Variants in MCC observed in about 807,000 individuals in gnomAD.
MCC encodes MCC regulator of Wnt signaling pathway.
MCC carries 90 observed loss-of-function variants against 116.2 expected under a neutral mutation model. The ratio of observed to expected loss-of-function variants is 0.77; its 90% confidence interval spans 0.65 to 0.92. MCC has a LOEUF of 0.92. MCC is among the 40% of genes least tolerant of loss of function. MCC has a pLI of 0.00. For synonymous variants in MCC, 578 were observed against 510.5 expected (o/e 1.13, Z -1.78); for missense variants, 1,516 against 1,312.2 (o/e 1.16, Z -2.40).
At chr5:113,295,197 G>GA (rs901812818) in intron 3 of MCC, among the ~76,000 whole-genome samples, 52 of 150,316 alleles carry the variant, frequency 3.5e-4, no homozygotes, top group African/African-American at 1.2e-3. Flanking sequence ...AAAAGAAAAA[G>GA]AAAAAAAACT....
intron 1 of MCC, among the ~76,000 whole-genome samples, chr5:113,423,854 G>A (rs988848051): frequency 1.3e-5 from 2 of 152,080 alleles, no homozygotes; most frequent in Non-Finnish European, 2.9e-5. Flanking sequence ...GTTACCACTC[G>A]TAGGATAAGG....
chr5:113,376,219 TGCTTTGA>T (rs1435690240), intron 2 of MCC, among the ~76,000 whole-genome samples: 5 of 152,240 alleles, frequency 3.3e-5, no homozygotes, highest in Non-Finnish European at 7.3e-5. Flanking sequence ...AACAGGTTCA[TGCTTTGA>T]AGACTGACAA....
intron 3 of MCC, among the ~76,000 whole-genome samples, chr5:113,293,343 CCTTTT>C (rs1397502243): frequency 9.9e-5 from 15 of 152,136 alleles, no homozygotes; most frequent in African/African-American, 3.6e-4. Flanking sequence ...ACACTGTTTT[CCTTTT>C]CTTCCTCTTT....
intron 1 of MCC, chr5:113,433,040 C>G (rs1407871095): frequency 6.6e-6 from 1 of 152,264 alleles, no homozygotes; most frequent in Admixed American, 6.5e-5. Context: ...CCATGCTACT[C>G]CTGAGGATCT....
intron 8 of MCC, among the ~76,000 whole-genome samples, chr5:113,090,303 G>C (rs2150247520): frequency 6.6e-6 from 1 of 151,920 alleles, no homozygotes; most frequent in South Asian, 2.1e-4. Flanking sequence ...TTCTCTGCTA[G>C]GCATGAGGGG....
chr5:113,048,092 T>C (rs1200126719), intron 16 of MCC, among the ~76,000 whole-genome samples: 1 of 152,194 alleles, frequency 6.6e-6, no homozygotes, highest in East Asian at 1.9e-4. Flanking sequence ...TTATCAGCAG[T>C]GAGACTCCTC....
At chr5:113,451,416 T>G (rs1005357578) in intron 1 of MCC, among the ~76,000 whole-genome samples, 3 of 152,252 alleles carry the variant, frequency 2.0e-5, no homozygotes, top group Non-Finnish European at 4.4e-5. Context: ...GAAAGCATGT[T>G]TTGTATCATC....
At chr5:113,238,300 T>A (rs1213458291) in intron 3 of MCC, among the ~76,000 whole-genome samples, 1 of 152,130 alleles carries the variant, frequency 6.6e-6, no homozygotes, top group Non-Finnish European at 1.5e-5. Context: ...AGCAATTATT[T>A]CACTAAAAAC....
At chr5:113,153,055 C>A (rs1759973718) in intron 3 of MCC, among the ~76,000 whole-genome samples, 1 of 152,074 alleles carries the variant, frequency 6.6e-6, no homozygotes, top group Non-Finnish European at 1.5e-5. Context: ...GGTTGGTTGC[C>A]CCCTCAGCCT....
chr5:113,111,773 C>G (rs952140369), intron 6 of MCC, among the ~76,000 whole-genome samples: 1 of 152,180 alleles, frequency 6.6e-6, no homozygotes, highest in Non-Finnish European at 1.5e-5. Context: ...ACTTACTATA[C>G]TTTGGAAATC....
rs3902149 is a variant in MCC at position 113,455,417 on chromosome 5, C to T, written c.170+32828G>A. Among the ~76,000 whole-genome samples the T allele has an allele frequency of 1.3e-3, 200 of 152,226 alleles. 3 individuals carry two copies. The highest frequency in any genetic ancestry group is 0.011 in the Admixed American group (174 of 15,288). On this transcript the variant is annotated intron_variant, in intron 1 of 18. Coordinates refer to ENST00000408903, the MANE Select transcript of MCC (RefSeq NM_001085377.2). ...CACCACCCCACCTGCACTTGGCACA[C>T]GGCAGGAATTCAATAAATATTTATT...
At chr5:113,423,748 CCACCCCCAACCCGG>C (rs1393074861) in intron 1 of MCC, among the ~76,000 whole-genome samples, 1 of 151,990 alleles carries the variant, frequency 6.6e-6, no homozygotes, top group African/African-American at 2.4e-5. Context: ...TCTCTATTTC[CCACCCCCAACCCGG>C]CACAGTCAAG....
At chr5:113,136,176 G>A (rs1758813442) in intron 5 of MCC, among the ~76,000 whole-genome samples, 2 of 152,186 alleles carry the variant, frequency 1.3e-5, no homozygotes, top group South Asian at 4.1e-4. Context: ...GCTGGTTACA[G>A]GCTACAGTTG....
At chr5:113,057,784 G>A (rs945714528) in intron 14 of MCC, among the ~76,000 whole-genome samples, 5 of 152,258 alleles carry the variant, frequency 3.3e-5, no homozygotes, top group Non-Finnish European at 7.3e-5. Context: ...CACTGATGTG[G>A]AGGGACAGAC....
chr5:113,061,980 G>A (rs1184449925), intron 14 of MCC, among the ~76,000 whole-genome samples: 1 of 152,202 alleles, frequency 6.6e-6, no homozygotes, highest in Non-Finnish European at 1.5e-5. Flanking sequence ...CTAAACCCAC[G>A]TTTAACATAA....
At chr5:113,265,840 G>C (rs1765398363) in intron 3 of MCC, among the ~76,000 whole-genome samples, 1 of 152,142 alleles carries the variant, frequency 6.6e-6, no homozygotes, top group Non-Finnish European at 1.5e-5. Flanking sequence ...ATGCCCGGGA[G>C]ACAGGTCAAA....
In MCC at chr5:113,085,245, G is replaced by A; in HGVS notation, c.1464C>T (p.Leu488=). ...QATGPSSPGR[L]TSTNRPINPS... is the part of the protein sequence containing the mutation. Reference sequence around the variant, plus strand: ...GGTTAATCGGGCGGTTGGTGGAAGTGAGGCGGCCAGGGCTGGAGGGACCTG... The same window carrying A: ...GGTTAATCGGGCGGTTGGTGGAAGTAAGGCGGCCAGGGCTGGAGGGACCTG... Residue 488 remains leucine, a synonymous_variant, in exon 9 of 19, where the codon CTC becomes CTT. Coordinates refer to ENST00000408903, the MANE Select transcript of MCC (RefSeq NM_001085377.2). The A allele has an allele frequency of 1.2e-6, 2 of 1,614,162 alleles. No homozygotes were observed. Among genetic ancestry groups the A allele is most frequent in the Non-Finnish European group, 1.7e-6 (2 of 1,180,034 alleles).
intron 17 of MCC, among the ~76,000 whole-genome samples, chr5:113,040,138 G>C (rs1237965463): frequency 6.6e-6 from 1 of 151,824 alleles, no homozygotes; most frequent in Non-Finnish European, 1.5e-5. Context: ...CCGAAGTAGG[G>C]GGAACGAAAT....
rs574998050 is a variant in MCC, at chr5:113,153,957, G to A, written c.628-2535C>T. ...CACAGCACTCTTTTCTGGCTCTCTGGTATTGTACATGACAGAGTTTTCAGT... is the reference window on the plus strand; with the variant it reads ...CACAGCACTCTTTTCTGGCTCTCTGATATTGTACATGACAGAGTTTTCAGT... On this transcript the variant is annotated intron_variant, in intron 3 of 18. Coordinates refer to ENST00000408903, the MANE Select transcript of MCC (RefSeq NM_001085377.2). Among the ~76,000 whole-genome samples the A allele has an allele frequency of 5.9e-5, 9 of 152,322 alleles. No homozygotes were observed. In the East Asian group the frequency reaches 1.4e-3, roughly 23 times the overall value.
Sources: allele counts gnomAD v4.1 joint callset (sites outside exome capture counted in the v4.1 genomes callset), GRCh38; gene constraint gnomAD v4.1.1; transcripts MANE v1.5; gene names NCBI Gene and HGNC (gene_info 2026-07-23, HGNC 2026-07-21).